STAC: variants seen among roughly 807,000 people sequenced by gnomAD.
The protein encoded by STAC is SH3 and cysteine rich domain.
A neutral mutation model predicts 48.8 loss-of-function variants in STAC; 43 were observed. The ratio of observed to expected loss-of-function variants is 0.88; its 90% CI spans 0.69 to 1.14. The LOEUF (loss-of-function observed/expected upper bound fraction) is 1.14. Among genes scored for constraint, STAC ranks in the 50% most tolerant of loss-of-function variants. The pLI is 0.00. For synonymous variants in STAC, 193 were observed against 179.5 expected, an observed-to-expected ratio of 1.07 and a Z score of -0.60; for missense variants, 497 against 504.0, an observed-to-expected ratio of 0.99 and a Z score of 0.13.
chr3:36,467,048 C>G (rs1026848866), intron 2 of STAC, among the ~76,000 whole-genome samples: 7 of 151,966 alleles, frequency 4.6e-5, no homozygotes, highest in Non-Finnish European at 2.9e-5. Flanking sequence ...GGGTTTTAAT[C>G]ATAAAGTGAT....
chr3:36,501,550 C>T (rs1698284183), intron 6 of STAC, among the ~76,000 whole-genome samples: 1 of 151,938 alleles, frequency 6.6e-6, no homozygotes, highest in Admixed American at 6.6e-5. Context: ...TTTAAATAGG[C>T]AGATATAAAG....
chr3:36,397,280 T>C (rs1575173519), intron 1 of STAC, among the ~76,000 whole-genome samples: 2 of 152,362 alleles, frequency 1.3e-5, no homozygotes, highest in South Asian at 4.1e-4. Context: ...AAGTTGCTGG[T>C]ACTGACTTAT....
intron 1 of STAC, among the ~76,000 whole-genome samples, chr3:36,438,320 T>C (rs1696218358): frequency 6.6e-6 from 1 of 152,214 alleles, no homozygotes; most frequent in African/African-American, 2.4e-5. Flanking sequence ...TAGTTTCAAG[T>C]ACATGGTAAG....
intron 1 of STAC, among the ~76,000 whole-genome samples, chr3:36,398,380 G>GAAAGAAAAGA (rs1699913049): frequency 7.4e-6 from 1 of 134,536 alleles, no homozygotes; most frequent in South Asian, 2.4e-4. Flanking sequence ...AAGAAAGAGA[G>GAAAGAAAAGA]AAAGAAAGAA....
intron 8 of STAC, among the ~76,000 whole-genome samples, chr3:36,524,757 G>A (rs973671707): frequency 6.6e-6 from 1 of 151,778 alleles, no homozygotes; most frequent in South Asian, 2.1e-4. Flanking sequence ...TGCTGAGATT[G>A]TTGGGTGATG....
chr3:36,489,240 A>G (rs186836190), intron 5 of STAC, among the ~76,000 whole-genome samples: 1 of 152,336 alleles, frequency 6.6e-6, no homozygotes, highest in Admixed American at 6.5e-5. Context: ...ATCTCATTAC[A>G]TCAGGGACTC....
chr3:36,424,387 A>G (rs1436681389), intron 1 of STAC, among the ~76,000 whole-genome samples: 2 of 152,204 alleles, frequency 1.3e-5, no homozygotes, highest in African/African-American at 4.8e-5. Flanking sequence ...ATGCATTGAT[A>G]TGAACCCTTG....
At chr3:36,463,508 TTC>T (rs1697076755) in intron 2 of STAC, among the ~76,000 whole-genome samples, 1 of 148,258 alleles carries the variant, frequency 6.7e-6, no homozygotes, top group Non-Finnish European at 1.5e-5. Context: ...TTGGTAGTTT[TTC>T]TTTTTTTTTT....
At chr3:36,432,233 T>C (rs2125654332) in intron 1 of STAC, among the ~76,000 whole-genome samples, 1 of 152,300 alleles carries the variant, frequency 6.6e-6, no homozygotes, top group East Asian at 1.9e-4. Flanking sequence ...ACTCCTATTT[T>C]ATGGACGGGG....
chr3:36,454,837 A>AT (rs1220737646), intron 2 of STAC, among the ~76,000 whole-genome samples: 1 of 152,136 alleles, frequency 6.6e-6, no homozygotes, highest in East Asian at 1.9e-4. Context: ...AGGGGGGAAT[A>AT]TTTTTTAAGT....
At chr3:36,521,780 T>C (rs139175132) in intron 8 of STAC, among the ~76,000 whole-genome samples, 2 of 152,288 alleles carry the variant, frequency 1.3e-5, no homozygotes, top group African/African-American at 4.8e-5. Context: ...CCCTACTGTA[T>C]ATCAATCACA....
intron 2 of STAC, among the ~76,000 whole-genome samples, chr3:36,470,761 T>C (rs550695899): frequency 1.4e-3 from 213 of 152,378 alleles, no homozygotes; most frequent in African/African-American, 4.6e-3. Flanking sequence ...TCCTGCCTCC[T>C]GTCTGCCATC....
chr3:36,522,516 TC>T (rs1399852800), intron 8 of STAC, among the ~76,000 whole-genome samples: 3 of 152,124 alleles, frequency 2.0e-5, no homozygotes, highest in African/African-American at 7.2e-5. Flanking sequence ...GATTTTTGTA[TC>T]CCCCAATGCA....
At chr3:36,514,153 G>A (rs1334073885) in intron 8 of STAC, among the ~76,000 whole-genome samples, 3 of 144,738 alleles carry the variant, frequency 2.1e-5, no homozygotes, top group East Asian at 2.2e-4. Flanking sequence ...GGGACTCCAG[G>A]ACCCACAGTC....
At chr3:36,425,583 T>G (rs1700543875) in intron 1 of STAC, among the ~76,000 whole-genome samples, 1 of 152,244 alleles carries the variant, frequency 6.6e-6, no homozygotes, top group Admixed American at 6.5e-5. Flanking sequence ...GCTGATAGTT[T>G]TATATCAGTG....
chr3:36,418,616 C>T (rs982631617), intron 1 of STAC, among the ~76,000 whole-genome samples: 9 of 133,716 alleles, frequency 6.7e-5, no homozygotes, highest in Non-Finnish European at 5.2e-5. Context: ...TTAATACTCT[C>T]GATTAAATCA....
intron 1 of STAC, among the ~76,000 whole-genome samples, chr3:36,430,608 C>T (rs1281022003): frequency 6.6e-6 from 1 of 152,138 alleles, no homozygotes; most frequent in Non-Finnish European, 1.5e-5. Flanking sequence ...TTTAGGAGCA[C>T]AATATTTGCC....
At chr3:36,510,967 T>TTATA (rs763356346) in intron 8 of STAC, among the ~76,000 whole-genome samples, 3 of 149,914 alleles carry the variant, frequency 2.0e-5, no homozygotes, top group African/African-American at 4.9e-5. Flanking sequence ...TAAAATATAT[T>TTATA]TATATATATA....
At chr3:36,520,384 A>T (rs1698772108) in intron 8 of STAC, among the ~76,000 whole-genome samples, 1 of 152,178 alleles carries the variant, frequency 6.6e-6, no homozygotes, top group Non-Finnish European at 1.5e-5. Flanking sequence ...AAAGATAGGC[A>T]GTGGGCCAGT....
Sources: gnomAD v4.1 joint callset for allele counts (sites outside exome capture counted in the v4.1 genomes callset) on GRCh38, gnomAD v4.1.1 for gene constraint, MANE v1.5 for transcripts, NCBI Gene and HGNC (gene_info 2026-07-23, HGNC 2026-07-21) for gene names.